The following ENPP3 variants were observed in gnomAD, a reference collection of about 807,000 sequenced individuals.
ENPP3 encodes ectonucleotide pyrophosphatase/phosphodiesterase family member 3.
In ENPP3, 104 loss-of-function variants were observed where a neutral mutation model predicts 117.8. That is an observed-to-expected ratio of 0.88 (90% CI 0.75 to 1.04). The LOEUF (loss-of-function observed/expected upper bound fraction) is 1.04. ENPP3 is among the 50% of genes least tolerant of loss of function. The probability of loss-of-function intolerance (pLI) is 0.00; values close to 1 mark genes in which losing one functional copy is unlikely to be tolerated. For synonymous variants in ENPP3, 380 were observed against 349.9 expected (o/e 1.09, Z -0.96); for missense variants, 1,026 against 1,051.9 (o/e 0.98, Z 0.34).
At chr6:131,676,864 T>A (rs190416276) in intron 10 of ENPP3, 63 bp downstream of exon 10, 48 of 1,069,992 alleles carry the variant, frequency 4.5e-5, no homozygotes, top group Non-Finnish European at 6.1e-5. Context: ...AAATGAAGTT[T>A]TTTTTTTTTT....
chr6:131,642,912 A>G (rs1778083305), intron 2 of ENPP3: 1 of 152,208 alleles, frequency 6.6e-6, no homozygotes, highest in South Asian at 2.1e-4. Flanking sequence ...TTTATGAGCA[A>G]TAATCATACC....
intron 14 of ENPP3, among the ~76,000 whole-genome samples, chr6:131,690,044 C>T (rs182075184): frequency 9.4e-4 from 143 of 152,258 alleles, no homozygotes; most frequent in Non-Finnish European, 5.0e-4. Context: ...CTGCTTCTTA[C>T]GGATGAGTAA....
chr6:131,661,791 A>C (rs1056739711), intron 6 of ENPP3, among the ~76,000 whole-genome samples: 3 of 152,290 alleles, frequency 2.0e-5, no homozygotes, highest in Middle Eastern at 6.8e-3. Context: ...TATATTTTCG[A>C]AATTAACTTC....
intron 11 of ENPP3, among the ~76,000 whole-genome samples, chr6:131,680,519 A>T (rs901733757): frequency 3.9e-5 from 6 of 152,186 alleles, no homozygotes; most frequent in African/African-American, 1.4e-4. Flanking sequence ...AGAAGTGGAG[A>T]TGGCCTAAGG....
intron 15 of ENPP3, 102 bp from the exon 16 acceptor site, chr6:131,718,570 T>A: frequency 2.0e-6 from 1 of 507,436 alleles, no homozygotes; most frequent in South Asian, 5.0e-5. Flanking sequence ...TAAAAAAATT[T>A]ACTTATAAAA....
chr6:131,637,383 C>A lies in ENPP3; in HGVS notation c.-2C>A. Reference sequence around the variant, plus strand: ...AAACAGGTCTATGCAGCTACCAGGACAATGGAATCTACGTTGACTTTAGCA... The same window carrying A: ...AAACAGGTCTATGCAGCTACCAGGAAAATGGAATCTACGTTGACTTTAGCA... On this transcript the variant is annotated 5_prime_UTR_variant, in exon 1 of 25. Transcript: ENST00000357639. 1 of 1,588,768 alleles carries A rather than the reference C, an allele frequency of 6.3e-7. No individual in the cohort carries two copies. The highest frequency in any genetic ancestry group is 8.6e-7 in the Non-Finnish European group (1 of 1,166,620).
chr6:131,685,575 T>A lies in ENPP3; in HGVS notation c.1252+80T>A, dbSNP rs375544114. 9 of 1,457,604 alleles carry A rather than the reference T, an allele frequency of 6.2e-6. 1 individual carries two copies. In the South Asian group the frequency reaches 1.1e-4, roughly 18 times the overall value. The allele number at this position is 1,457,604 out of a possible 1,614,324, so 90.3% of individuals were successfully genotyped here. A position where few individuals can be genotyped will look rare whatever the true frequency, so the allele number is the denominator to read the frequency against. On this transcript the variant is annotated intron_variant, in intron 13 of 24. Transcript: ENST00000357639. Reference sequence around the variant, plus strand: ...ATAGTCCACTAATTCTGAGAGGAAGTTGGGGTTATCAGACCCTCTACTGAC... The same window carrying A: ...ATAGTCCACTAATTCTGAGAGGAAGATGGGGTTATCAGACCCTCTACTGAC...
At chr6:131,688,896 C>CAAAAAAAAAAA (rs34743742) in intron 14 of ENPP3, among the ~76,000 whole-genome samples, 1 of 88,300 alleles carries the variant, frequency 1.1e-5, no homozygotes, top group Non-Finnish European at 2.6e-5. Flanking sequence ...ACTAAAAATC[C>CAAAAAAAAAAA]AAAAAAAAAA....
intron 11 of ENPP3, among the ~76,000 whole-genome samples, chr6:131,681,761 G>A (rs1447618239): frequency 6.6e-6 from 1 of 152,110 alleles, no homozygotes; most frequent in Non-Finnish European, 1.5e-5. Flanking sequence ...AACAAAATCA[G>A]GATTATGCAA....
intron 12 of ENPP3, 151 bp from the exon 13 acceptor site, chr6:131,685,213 C>G (rs1346968856): frequency 1.5e-6 from 1 of 667,086 alleles, no homozygotes; most frequent in Non-Finnish European, 2.5e-6. Context: ...AATTTTCTGC[C>G]AGAGTAGAGT....
intron 6 of ENPP3, among the ~76,000 whole-genome samples, chr6:131,658,729 G>T (rs749287393): frequency 1.2e-4 from 19 of 152,184 alleles, no homozygotes; most frequent in Non-Finnish European, 2.2e-4. Flanking sequence ...ATGTTTGTCA[G>T]ACCCAGGTTC....
intron 12 of ENPP3, among the ~76,000 whole-genome samples, chr6:131,684,910 G>C (rs959879508): frequency 2.0e-5 from 3 of 151,798 alleles, no homozygotes; most frequent in Non-Finnish European, 2.9e-5. Flanking sequence ...TTAGCCTCTC[G>C]AGTAAATGGG....
chr6:131,692,952 C>A (rs1267755840), intron 14 of ENPP3, among the ~76,000 whole-genome samples: 1 of 127,712 alleles, frequency 7.8e-6, no homozygotes, highest in South Asian at 2.6e-4. Context: ...ATATATTATA[C>A]ACTATATATG....
At chr6:131,652,727 C>T in intron 4 of ENPP3, 60 bp downstream of exon 4, 1 of 1,608,918 alleles carries the variant, frequency 6.2e-7, no homozygotes, top group East Asian at 2.2e-5. Flanking sequence ...CCATGAGTTT[C>T]CTAGAGCCAT....
intron 12 of ENPP3, among the ~76,000 whole-genome samples, chr6:131,684,922 C>T (rs1585665543): frequency 6.6e-6 from 1 of 151,614 alleles, no homozygotes; most frequent in East Asian, 1.9e-4. Flanking sequence ...GTAAATGGGA[C>T]TATAGGGGCA....
intron 19 of ENPP3, among the ~76,000 whole-genome samples, chr6:131,725,162 G>A (rs918610763): frequency 6.6e-6 from 1 of 152,100 alleles, no homozygotes; most frequent in African/African-American, 2.4e-5. Flanking sequence ...GGAGATGGAG[G>A]TTGCAGTGAG....
At chr6:131,713,388 C>T (rs1779828308) in intron 15 of ENPP3, among the ~76,000 whole-genome samples, 1 of 150,346 alleles carries the variant, frequency 6.7e-6, no homozygotes, top group Admixed American at 6.6e-5. Flanking sequence ...GAATCTGACA[C>T]AAGCTATTTG....
intron 20 of ENPP3, among the ~76,000 whole-genome samples, chr6:131,731,098 GTTACC>G (rs1317063875): frequency 1.3e-5 from 2 of 152,010 alleles, no homozygotes; most frequent in Non-Finnish European, 2.9e-5. Flanking sequence ...AGCTCTTTCT[GTTACC>G]TTTTCTCTTT....
chr6:131,700,365 C>G, intron 15 of ENPP3: 1 of 395,286 alleles, frequency 2.5e-6, no homozygotes, highest in Non-Finnish European at 4.1e-6. Context: ...AGATAATTCT[C>G]ATGTCCATTG....
Sources: gnomAD v4.1 joint callset for allele counts (sites outside exome capture counted in the v4.1 genomes callset) on GRCh38, gnomAD v4.1.1 for gene constraint, MANE v1.5 for transcripts, NCBI Gene and HGNC (gene_info 2026-07-23, HGNC 2026-07-21) for gene names.